CHGA: variants seen among roughly 807,000 people sequenced by gnomAD.
CHGA encodes chromogranin-A.
In CHGA, 41 loss-of-function variants were observed where a neutral mutation model predicts 54.4. The observed-to-expected ratio is 0.75, with a 90% CI of 0.59 to 0.98. The LOEUF (loss-of-function observed/expected upper bound fraction) is 0.98, where lower values mean the gene tolerates loss of function less well. CHGA is among the 50% of genes least tolerant of loss of function. The pLI is 0.00. For missense variants in CHGA, 576 were observed against 582.3 expected (o/e 0.99, Z 0.11); for synonymous variants, 249 against 232.8 (o/e 1.07, Z -0.63).
intron 7 of CHGA, 32 bp from the exon 8 acceptor site, chr14:92,934,769 C>A (rs1308634976): frequency 6.5e-7 from 1 of 1,536,468 alleles, no homozygotes; most frequent in African/African-American, 1.4e-5. Context: ...ACTGGCCAGG[C>A]TGGCCCGAGT....
At chr14:92,934,240 C>T (rs1023946664) in intron 7 of CHGA, among the ~76,000 whole-genome samples, 1 of 152,222 alleles carries the variant, frequency 6.6e-6, no homozygotes, top group African/African-American at 2.4e-5. Context: ...GGAGGGGTCC[C>T]TGCTTCCCTA....
rs764801520 is a variant in CHGA at position 92,931,200 on chromosome 14, C to T, written c.356-50C>T. 3.3e-6 allele frequency: 5 copies of T among 1,535,340 alleles called. No individual in the cohort carries two copies. The Admixed American group carries it at 5.9e-5, about 18-fold the overall frequency. ...CTGAAATTAGCCTGTGGGGAGGCCCCACACGTGGCCCAGTCCTCAGGGCCT... is the reference window on the plus strand; with the variant it reads ...CTGAAATTAGCCTGTGGGGAGGCCCTACACGTGGCCCAGTCCTCAGGGCCT... On this transcript the variant is annotated intron_variant, in intron 5 of 7. Transcript: ENST00000216492.
rs368334854 is a variant in CHGA, at chr14:92,929,586, A to T, written c.257-131A>T. 2.4e-5 allele frequency: 18 copies of T among 763,108 alleles called. No individual in the cohort carries two copies. In the East Asian group the frequency reaches 4.2e-4, roughly 18 times the overall value. The allele number at this position is 763,108 out of a possible 1,614,324, so 47.3% of individuals were successfully genotyped here. Reference sequence around the variant, plus strand: ...CCGCTCCCCAAGCTCACGCCCCATCAGTGTCTCATTGGGCAGGCCCTGAAC... The same window carrying T: ...CCGCTCCCCAAGCTCACGCCCCATCTGTGTCTCATTGGGCAGGCCCTGAAC... On this transcript the variant is annotated intron_variant, in intron 4 of 7. Coordinates refer to ENST00000216492, the MANE Select transcript of CHGA (RefSeq NM_001275.4).
rs371215355 is a variant in CHGA, at chr14:92,931,578, A to AGAGGAGGAG, written c.701_709dup (p.Glu234_Glu236dup). The AGAGGAGGAG allele has an allele frequency of 3.8e-5, 61 of 1,610,714 alleles. 1 individual carries two copies. In the South Asian group the frequency reaches 5.3e-4, roughly 14 times the overall value. On this transcript the variant is annotated inframe_insertion, in exon 6 of 8. Transcript: ENST00000216492. ...AGCCAGGGTGGCAGGCAAAGAGAGA[A>AGAGGAGGAG]GAGGAGGAGGAGGAGGAGGAGGAGG...
chr14:92,930,498 T>C (rs564598928), intron 5 of CHGA, among the ~76,000 whole-genome samples: 2 of 152,276 alleles, frequency 1.3e-5, no homozygotes, highest in East Asian at 1.9e-4. Context: ...CCCACTTTGG[T>C]TGAAGCTTTA....
At chr14:92,929,855 G>C in intron 5 of CHGA, 40 bp downstream of exon 5, 3 of 1,549,078 alleles carry the variant, frequency 1.9e-6, no homozygotes, top group Non-Finnish European at 2.7e-6. Context: ...GGGAAGGGAG[G>C]GTGGCAGTGG....
chr14:92,926,578 C>T, intron 2 of CHGA, 27 bp from the exon 3 acceptor site: 1 of 1,607,582 alleles, frequency 6.2e-7, no homozygotes, highest in Non-Finnish European at 8.5e-7. Flanking sequence ...AAACCAGCCC[C>T]AACCTGCCCC....
At position 92,929,581 on chromosome 14, in the gene CHGA, C is replaced by A. The variant is rs1886953739; in HGVS notation, c.257-136C>A. 4 of 748,422 alleles carry A rather than the reference C, an allele frequency of 5.3e-6. No homozygotes were observed. In the Admixed American group the frequency reaches 8.5e-5, roughly 16 times the overall value. 46.4% of individuals were successfully genotyped at this position (748,422 alleles called of 1,614,324 possible). ...CTTCACCGCTCCCCAAGCTCACGCC[C>A]CATCAGTGTCTCATTGGGCAGGCCC... is the stretch of plus-strand genomic sequence containing the variant. On this transcript the variant is annotated intron_variant, in intron 4 of 7. Coordinates refer to ENST00000216492, the MANE Select transcript of CHGA (RefSeq NM_001275.4).
chr14:92,933,076 T>C (rs1261153395), intron 7 of CHGA: 4 of 571,660 alleles, frequency 7.0e-6, no homozygotes, highest in Non-Finnish European at 1.1e-5. Context: ...CAGGTCAGCC[T>C]GTGGCAGCGG....
intron 2 of CHGA, among the ~76,000 whole-genome samples, chr14:92,925,777 T>G (rs1478219539): frequency 6.6e-6 from 1 of 152,132 alleles, no homozygotes; most frequent in Non-Finnish European, 1.5e-5. Flanking sequence ...GGAGAGCAGT[T>G]GGGAAGGTAT....
intron 5 of CHGA, among the ~76,000 whole-genome samples, 189 bp downstream of exon 5, chr14:92,930,004 G>A (rs1199154688): frequency 6.6e-6 from 1 of 152,242 alleles, no homozygotes; most frequent in African/African-American, 2.4e-5. Context: ...GGCATGACCA[G>A]GGGTTTCGAT....
intron 2 of CHGA, 112 bp downstream of exon 2, chr14:92,924,357 G>A (rs1417364090): frequency 4.8e-6 from 5 of 1,044,090 alleles, no homozygotes; most frequent in African/African-American, 1.6e-5. Context: ...CCAGCACTGC[G>A]GCTGCTGAGC....
intron 2 of CHGA, among the ~76,000 whole-genome samples, chr14:92,924,559 G>A (rs759917350): frequency 2.7e-4 from 41 of 152,218 alleles, no homozygotes; most frequent in Non-Finnish European, 5.4e-4. Flanking sequence ...AGGGGCTGGT[G>A]GGGGTGGCTT....
At chr14:92,926,966 C>A (rs969054720) in intron 3 of CHGA, among the ~76,000 whole-genome samples, 24 of 152,196 alleles carry the variant, frequency 1.6e-4, no homozygotes, top group African/African-American at 5.1e-4. Context: ...AACAGCAAGC[C>A]CCCAGACTGT....
Position 92,923,176 on chromosome 14 carries a change from C to A in CHGA, c.-184C>A, listed in dbSNP as rs984787936. 9.7e-6 allele frequency: 4 copies of A among 413,546 alleles called. No homozygotes were observed. Among genetic ancestry groups the A allele is most frequent in the Non-Finnish European group, 1.2e-5 (3 of 253,150 alleles). The allele number at this position is 413,546 out of a possible 1,614,324, so 25.6% of individuals were successfully genotyped here. ...CCACCGCTCCTGCCACTGCAGTGCT[C>A]GAGCCCCGTGCAGGGGAGCTTGCGG... On this transcript the variant is annotated 5_prime_UTR_variant, in exon 1 of 8. Transcript: ENST00000216492.
At position 92,923,339 on chromosome 14, in the gene CHGA, T is replaced by G; in HGVS notation, c.-21T>G. On this transcript the variant is annotated 5_prime_UTR_variant, in exon 1 of 8. Transcript: ENST00000216492. ...AGGTGCCCGGCCCCACACCGCCAGC[T>G]GCTCGGCGCCCGGGTCCGCCATGCG... The G allele has an allele frequency of 7.6e-7, 1 of 1,322,052 alleles. No individual in the cohort carries two copies. Among genetic ancestry groups the G allele is most frequent in the Non-Finnish European group, 9.6e-7 (1 of 1,038,676 alleles). 81.9% of individuals were successfully genotyped at this position (1,322,052 alleles called of 1,614,324 possible). A position where few individuals can be genotyped will look rare whatever the true frequency, so the allele number is the denominator to read the frequency against.
chr14:92,932,317 G>A lies in CHGA; in HGVS notation c.809-53G>A. The A allele has an allele frequency of 6.6e-7, 1 of 1,510,250 alleles. No homozygotes were observed. The highest frequency in any genetic ancestry group is 1.3e-5 in the South Asian group (1 of 75,678). The allele number at this position is 1,510,250 out of a possible 1,614,324, so 93.6% of individuals were successfully genotyped here. ...GCCCCCAGGGAGTGGCAGAGACTGG[G>A]AAAATGGTGGTCCCCCACCCATTCT... On this transcript the variant is annotated intron_variant, in intron 6 of 7. Transcript: ENST00000216492. This position sits in a 1 kb window ranked among gnomAD's most constrained non-coding sequence, Gnocchi z 5.3.
intron 3 of CHGA, 78 bp downstream of exon 3, chr14:92,926,776 G>T: frequency 8.3e-7 from 1 of 1,203,832 alleles, no homozygotes; most frequent in Non-Finnish European, 1.2e-6. Context: ...GGCTTTTGGT[G>T]GAATTAATGA....
At position 92,924,205 on chromosome 14, in the gene CHGA, C is replaced by T. The variant is rs1318028195; in HGVS notation, c.53C>T (p.Ala18Val). 4 of 1,612,190 alleles carry T rather than the reference C, an allele frequency of 2.5e-6. No individual in the cohort carries two copies. Among genetic ancestry groups the T allele is most frequent in the Non-Finnish European group, 2.5e-6 (3 of 1,179,492 alleles). The change falls in exon 2 of 8, where the codon GCG (alanine) becomes GTG (valine). Residue 18 changes from alanine (A) to valine (V), a missense_variant. Ala to Val is a moderately conservative substitution (Grantham distance 64). Transcript: ENST00000216492. ...ACTCTCTTCTTCTTCCCAGTCACTG[C>T]GCTCCCTGTGAACAGCCCTATGAAT... is the stretch of plus-strand genomic sequence containing the variant. Reference protein sequence around the residue: ...ALLLCAGQVTALPVNSPMNKG... With the variant: ...ALLLCAGQVTVLPVNSPMNKG...
Sources: gnomAD v4.1 joint callset for allele counts (sites outside exome capture counted in the v4.1 genomes callset) on GRCh38, gnomAD v4.1.1 for gene constraint, Gnocchi (gnomAD v3.1) non-coding constraint, MANE v1.5 for transcripts, NCBI Gene and HGNC (gene_info 2026-07-23, HGNC 2026-07-21) for gene names.